Variants in RSRC1 observed in about 807,000 individuals in gnomAD.
RSRC1 encodes arginine and serine rich coiled-coil 1, also known as serine/Arginine-related protein 53.
A neutral mutation model predicts 49.1 loss-of-function variants in RSRC1; 39 were observed. The observed-to-expected ratio is 0.79, with a 90% CI of 0.61 to 1.04. The LOEUF (loss-of-function observed/expected upper bound fraction) is 1.04, where lower values mean the gene tolerates loss of function less well. Among genes scored for constraint, RSRC1 ranks in the 50% least tolerant of loss-of-function variants. RSRC1 has a pLI of 0.00. For missense variants in RSRC1, 388 were observed against 402.4 expected, an observed-to-expected ratio of 0.96 and a Z score of 0.31; for synonymous variants, 143 against 130.8, an observed-to-expected ratio of 1.09 and a Z score of -0.63.
At chr3:158,473,280 T>C (rs527317231) in intron 7 of RSRC1, among the ~76,000 whole-genome samples, 9 of 152,024 alleles carry the variant, frequency 5.9e-5, no homozygotes, top group Non-Finnish European at 1.3e-4. Flanking sequence ...CCAACAATGA[T>C]AGACTGGATA....
chr3:158,136,371 C>T (rs1716378052), intron 3 of RSRC1, among the ~76,000 whole-genome samples: 1 of 152,118 alleles, frequency 6.6e-6, no homozygotes, highest in Admixed American at 6.5e-5. Context: ...ATTAAATCCG[C>T]TAAAAGGAAC....
chr3:158,300,912 T>C (rs1202908396), intron 5 of RSRC1, among the ~76,000 whole-genome samples: 1 of 152,184 alleles, frequency 6.6e-6, no homozygotes, highest in Non-Finnish European at 1.5e-5. Flanking sequence ...TTTATATACT[T>C]TTCTTGGTAT....
chr3:158,436,443 T>G (rs1736046493), intron 6 of RSRC1, among the ~76,000 whole-genome samples: 1 of 151,842 alleles, frequency 6.6e-6, no homozygotes, highest in African/African-American at 2.4e-5. Flanking sequence ...AATTATAAAG[T>G]GAAAAAGATT....
At chr3:158,367,260 T>C (rs1463427734) in intron 6 of RSRC1, among the ~76,000 whole-genome samples, 1 of 152,174 alleles carries the variant, frequency 6.6e-6, no homozygotes, top group African/African-American at 2.4e-5. Context: ...CAGTATGATA[T>C]TGGCTGTGGG....
At chr3:158,179,880 G>A (rs994605347) in intron 3 of RSRC1, among the ~76,000 whole-genome samples, 1 of 152,040 alleles carries the variant, frequency 6.6e-6, no homozygotes, top group African/African-American at 2.4e-5. Flanking sequence ...CAGTTTCTCT[G>A]TGTCCACCAA....
chr3:158,281,781 G>A lies in RSRC1; in HGVS notation c.495-16258G>A, dbSNP rs529754978. On this transcript the variant is annotated intron_variant, in intron 4 of 9. Coordinates refer to ENST00000611884, the MANE Select transcript of RSRC1 (RefSeq NM_001271838.2). Reference sequence around the variant, plus strand: ...GATTTGGTAACATGGGGGAACCACTGATGACTTTAGCCAAGAGTAATTTTT... The same window carrying A: ...GATTTGGTAACATGGGGGAACCACTAATGACTTTAGCCAAGAGTAATTTTT... 3.3e-5 allele frequency among the ~76,000 whole-genome samples: 5 copies of A among 152,332 alleles called. No individual in the cohort carries two copies. The East Asian group carries it at 9.6e-4, about 29-fold the overall frequency.
intron 4 of RSRC1, among the ~76,000 whole-genome samples, chr3:158,259,569 C>G (rs1192732665): frequency 6.6e-6 from 1 of 152,124 alleles, no homozygotes; most frequent in African/African-American, 2.4e-5. Flanking sequence ...CTGCGGTGAT[C>G]ACTGTCTGGC....
intron 5 of RSRC1, among the ~76,000 whole-genome samples, chr3:158,300,853 G>A (rs1413765858): frequency 6.6e-6 from 1 of 152,156 alleles, no homozygotes; most frequent in Non-Finnish European, 1.5e-5. Flanking sequence ...TTTGTCGCTT[G>A]TTATACTTGC....
At position 158,140,413 on chromosome 3, in the gene RSRC1, C is replaced by T. The variant is rs547101116; in HGVS notation, c.320+16422C>T. On this transcript the variant is annotated intron_variant, in intron 3 of 9. Coordinates refer to ENST00000611884, the MANE Select transcript of RSRC1 (RefSeq NM_001271838.2). ...TTTTGTTTTCTGTTTCCGATATGCA[C>T]TCTGCTAATGGCCACTATTACCATT... 5.3e-5 allele frequency among the ~76,000 whole-genome samples: 8 copies of T among 152,288 alleles called. No individual in the cohort carries two copies. In the East Asian group the frequency reaches 1.5e-3, roughly 29 times the overall value.
At chr3:158,329,987 T>A (rs1040814900) in intron 5 of RSRC1, among the ~76,000 whole-genome samples, 2 of 152,172 alleles carry the variant, frequency 1.3e-5, no homozygotes, top group South Asian at 2.1e-4. Flanking sequence ...CTCAGAGTGT[T>A]GTGCTAGCAA....
chr3:158,130,795 A>C (rs913647534), intron 3 of RSRC1, among the ~76,000 whole-genome samples: 3 of 152,172 alleles, frequency 2.0e-5, no homozygotes, highest in Non-Finnish European at 4.4e-5. Context: ...AATTTTGTAC[A>C]TGTTGTATAT....
chr3:158,514,615 T>A (rs1209703222), intron 7 of RSRC1, among the ~76,000 whole-genome samples: 1 of 152,146 alleles, frequency 6.6e-6, no homozygotes, highest in East Asian at 1.9e-4. Context: ...TGGAGAGTTC[T>A]GTAGATGTCT....
chr3:158,120,603 GTTAATAT>G (rs1177961249), intron 1 of RSRC1, among the ~76,000 whole-genome samples: 1 of 144,818 alleles, frequency 6.9e-6, no homozygotes, highest in Non-Finnish European at 1.5e-5. Flanking sequence ...GTATTATATA[GTTAATAT>G]TTAATATATA....
intron 7 of RSRC1, among the ~76,000 whole-genome samples, chr3:158,487,946 C>CAAAAAAAAAAAAAAAAAAAAAAAAAA (rs1303656428): frequency 7.8e-4 from 9 of 11,474 alleles, no homozygotes; most frequent in South Asian, 4.3e-3. Context: ...GACTCCATCT[C>CAAAAAAAAAAAAAAAAAAAAAAAAAA]AAGAAAAAAA....
chr3:158,342,587 G>T (rs1314137963), intron 5 of RSRC1, among the ~76,000 whole-genome samples: 1 of 152,134 alleles, frequency 6.6e-6, no homozygotes, highest in Non-Finnish European at 1.5e-5. Context: ...TCAGCTGCAT[G>T]AAAACAGACT....
At chr3:158,535,482 A>G (rs1712666533) in intron 7 of RSRC1, among the ~76,000 whole-genome samples, 1 of 150,210 alleles carries the variant, frequency 6.7e-6, no homozygotes, top group Admixed American at 6.7e-5. Context: ...TTCATATCTC[A>G]CGTACTGAAG....
At chr3:158,283,143 G>GA (rs1255738357) in intron 4 of RSRC1, among the ~76,000 whole-genome samples, 1 of 151,496 alleles carries the variant, frequency 6.6e-6, no homozygotes, top group South Asian at 2.1e-4. Context: ...GTATAAGGGT[G>GA]AAAAAAAATG....
chr3:158,509,633 T>C (rs1740046923), intron 7 of RSRC1, among the ~76,000 whole-genome samples: 1 of 152,168 alleles, frequency 6.6e-6, no homozygotes, highest in Non-Finnish European at 1.5e-5. Context: ...AGATATTATA[T>C]TAATATTTTA....
At chr3:158,439,837 A>G (rs938596900) in intron 6 of RSRC1, among the ~76,000 whole-genome samples, 1 of 151,768 alleles carries the variant, frequency 6.6e-6, no homozygotes, top group Non-Finnish European at 1.5e-5. Context: ...TAATAAAAAA[A>G]GGTTACAGTG....
Sources: allele counts gnomAD v4.1 joint callset (sites outside exome capture counted in the v4.1 genomes callset), GRCh38; gene constraint gnomAD v4.1.1; transcripts MANE v1.5; gene names NCBI Gene and HGNC (gene_info 2026-07-23, HGNC 2026-07-21).